The following TMEM232 variants were observed in gnomAD, a reference collection of about 807,000 sequenced individuals.
TMEM232 encodes the protein transmembrane protein 232.
TMEM232 carries 80 observed loss-of-function variants against 78.8 expected under a neutral mutation model. That is an observed-to-expected ratio of 1.01 (90% CI 0.85 to 1.22). The LOEUF (loss-of-function observed/expected upper bound fraction) is 1.22. Among genes scored for constraint, TMEM232 ranks in the 50% most tolerant of loss-of-function variants. TMEM232 has a pLI of 0.00. For missense variants in TMEM232, 881 were observed against 742.2 expected (o/e 1.19, Z -2.17); for synonymous variants, 297 against 254.3 (o/e 1.17, Z -1.60).
intron 2 of TMEM232, among the ~76,000 whole-genome samples, chr5:110,649,295 A>C (rs943696992): frequency 3.3e-5 from 5 of 152,076 alleles, no homozygotes; most frequent in Non-Finnish European, 7.4e-5. Context: ...CAGCACTAGG[A>C]TTTCTTTATT....
At chr5:110,707,559 A>C (rs567056186) in intron 1 of TMEM232, among the ~76,000 whole-genome samples, 1 of 152,340 alleles carries the variant, frequency 6.6e-6, no homozygotes, top group South Asian at 2.1e-4. Context: ...CTGCAGTTCT[A>C]GACAAACTTG....
intron 12 of TMEM232, among the ~76,000 whole-genome samples, chr5:110,456,340 T>G (rs926855959): frequency 7.9e-5 from 12 of 151,764 alleles, no homozygotes; most frequent in Admixed American, 7.9e-4. Context: ...CATATAAATC[T>G]GAAAAATATG....
chr5:110,516,754 A>G (rs1581032743), intron 12 of TMEM232, among the ~76,000 whole-genome samples: 1 of 152,224 alleles, frequency 6.6e-6, no homozygotes, highest in East Asian at 1.9e-4. Flanking sequence ...CCTGCAAGCC[A>G]TTCAGAGCAA....
At chr5:110,686,962 G>A (rs77806506) in intron 1 of TMEM232, among the ~76,000 whole-genome samples, 4,426 of 152,106 alleles carry the variant, frequency 0.029, 225 homozygotes, top group African/African-American at 0.1. Flanking sequence ...GCTACTATTG[G>A]TCATTATGTA....
chr5:110,499,635 C>CA (rs1554091659), intron 12 of TMEM232, among the ~76,000 whole-genome samples: 15,287 of 143,572 alleles, frequency 0.11, 1,032 homozygotes, highest in South Asian at 0.19. Context: ...ACACCCCCCC[C>CA]CACACACACA....
chr5:110,582,965 T>G (rs1581299825), intron 10 of TMEM232, among the ~76,000 whole-genome samples: 1 of 152,060 alleles, frequency 6.6e-6, no homozygotes, highest in Admixed American at 6.6e-5. Context: ...TTAGTTAGAC[T>G]TCTGCATTAA....
At chr5:110,547,662 T>A (rs1475747866) in intron 11 of TMEM232, among the ~76,000 whole-genome samples, 1 of 152,110 alleles carries the variant, frequency 6.6e-6, no homozygotes, top group Non-Finnish European at 1.5e-5. Context: ...GACAAGATAT[T>A]ATTCTTAGTC....
At chr5:110,674,129 GTTTTTAACCCA>G (rs1791730985) in intron 1 of TMEM232, among the ~76,000 whole-genome samples, 1 of 151,852 alleles carries the variant, frequency 6.6e-6, no homozygotes, top group Non-Finnish European at 1.5e-5. Context: ...ATCAAGTCTG[GTTTTTAACCCA>G]TTTTTAACAT....
chr5:110,700,781 GA>G (rs1795338154), intron 1 of TMEM232, among the ~76,000 whole-genome samples: 1 of 145,500 alleles, frequency 6.9e-6, no homozygotes, highest in East Asian at 2.0e-4. Context: ...TAGATAGATA[GA>G]TAGGTAGATA....
intron 1 of TMEM232, among the ~76,000 whole-genome samples, chr5:110,737,725 G>A (rs1799337780): frequency 6.6e-6 from 1 of 151,702 alleles, no homozygotes; most frequent in African/African-American, 2.4e-5. Flanking sequence ...TGAACTCTTT[G>A]TACATTAAAG....
intron 1 of TMEM232, among the ~76,000 whole-genome samples, chr5:110,709,981 G>A (rs868439546): frequency 2.0e-4 from 30 of 151,808 alleles, no homozygotes; most frequent in Non-Finnish European, 7.4e-5. Context: ...TACCATGAAA[G>A]CCAGTTTTTT....
intron 10 of TMEM232, among the ~76,000 whole-genome samples, chr5:110,578,062 A>T (rs955397604): frequency 2.0e-5 from 3 of 152,036 alleles, no homozygotes; most frequent in African/African-American, 7.2e-5. Context: ...TAAAAATTAA[A>T]AAAATGATAT....
intron 2 of TMEM232, among the ~76,000 whole-genome samples, chr5:110,660,163 A>C (rs1464878928): frequency 6.6e-6 from 1 of 152,074 alleles, no homozygotes; most frequent in Non-Finnish European, 1.5e-5. Context: ...AAGAAACTTA[A>C]AATTACCAGG....
chr5:110,705,754 ATGTGTGTGCGTG>A (rs1176514403), intron 1 of TMEM232, among the ~76,000 whole-genome samples: 8 of 135,184 alleles, frequency 5.9e-5, no homozygotes, highest in African/African-American at 1.2e-4. Flanking sequence ...GTGTGTGTGT[ATGTGTGTGCGTG>A]TGTGTGTGTG....
intron 3 of TMEM232, among the ~76,000 whole-genome samples, chr5:110,641,810 T>G (rs1435231193): frequency 6.6e-6 from 1 of 152,188 alleles, no homozygotes; most frequent in African/African-American, 2.4e-5. Flanking sequence ...TCTGTTTTGA[T>G]ATCTATTTGT....
At chr5:110,710,115 A>C (rs544869310) in intron 1 of TMEM232, among the ~76,000 whole-genome samples, 7 of 152,130 alleles carry the variant, frequency 4.6e-5, no homozygotes, top group Non-Finnish European at 1.0e-4. Flanking sequence ...TCAAAGGATC[A>C]TTAATGGCTA....
Position 110,420,008 on chromosome 5 carries a change from AG to A in TMEM232, c.*571del, listed in dbSNP as rs1267252350. 6.6e-6 allele frequency: 1 copy of A among 152,318 alleles called. No homozygotes were observed. The highest frequency in any genetic ancestry group is 6.5e-5 in the Admixed American group (1 of 15,276). 9.4% of individuals were successfully genotyped at this position (152,318 alleles called of 1,614,324 possible). On this transcript the variant is annotated 3_prime_UTR_variant, in exon 14 of 14. Coordinates refer to ENST00000455884, the MANE Select transcript of TMEM232 (RefSeq NM_001039763.4). ...AGGAATCCCCTCTGGCATCTGTTAAAGATCAAGCCAATCAATCTAAGATGAC... is the reference window on the plus strand; with the variant it reads ...AGGAATCCCCTCTGGCATCTGTTAAAATCAAGCCAATCAATCTAAGATGAC...
intron 7 of TMEM232, among the ~76,000 whole-genome samples, chr5:110,623,948 G>A (rs890148812): frequency 6.6e-6 from 1 of 152,084 alleles, no homozygotes; most frequent in Non-Finnish European, 1.5e-5. Flanking sequence ...TTCATGTATT[G>A]ACATTTTTGC....
chr5:110,497,504 G>A (rs1219592842), intron 12 of TMEM232, among the ~76,000 whole-genome samples: 2 of 152,096 alleles, frequency 1.3e-5, no homozygotes, highest in African/African-American at 2.4e-5. Context: ...CAGGGGCTTT[G>A]TATACCAATC....
Sources: gnomAD v4.1 joint callset for allele counts (sites outside exome capture counted in the v4.1 genomes callset) on GRCh38, gnomAD v4.1.1 for gene constraint, MANE v1.5 for transcripts, NCBI Gene and HGNC (gene_info 2026-07-23, HGNC 2026-07-21) for gene names.